The following CHRM2 variants were observed in gnomAD, a reference collection of about 807,000 sequenced individuals.
CHRM2 encodes cholinergic receptor muscarinic 2.
CHRM2 carries 8 observed loss-of-function variants against 25.0 expected under a neutral mutation model. The ratio of observed to expected loss-of-function variants is 0.32; its 90% confidence interval spans 0.19 to 0.58. CHRM2 has a LOEUF of 0.58. Among genes scored for constraint, CHRM2 ranks in the 20% least tolerant of loss-of-function variants. CHRM2 has a pLI of 0.88. For synonymous variants in CHRM2, 202 were observed against 205.7 expected (o/e 0.98, Z 0.15); for missense variants, 440 against 567.1 (o/e 0.78, Z 2.28).
At chr7:136,914,039 T>C (rs1797978996) in intron 2 of CHRM2, 1 of 152,002 alleles carries the variant, frequency 6.6e-6, no homozygotes, top group Non-Finnish European at 1.5e-5. Context: ...AAACACTACC[T>C]TGAAACCCAA....
At chr7:137,001,355 C>G (rs1335751064) in intron 3 of CHRM2, among the ~76,000 whole-genome samples, 3 of 152,118 alleles carry the variant, frequency 2.0e-5, no homozygotes, top group African/African-American at 7.2e-5. Flanking sequence ...CAAGCTGTCA[C>G]CTTTGAGCTT....
At chr7:136,926,733 A>G (rs891799814) in intron 2 of CHRM2, among the ~76,000 whole-genome samples, 1 of 151,874 alleles carries the variant, frequency 6.6e-6, no homozygotes, top group Non-Finnish European at 1.5e-5. Flanking sequence ...ATCTGTCTCA[A>G]CTCCTCTGCG....
At chr7:136,909,019 G>A (rs2130671643) in intron 2 of CHRM2, among the ~76,000 whole-genome samples, 1 of 151,958 alleles carries the variant, frequency 6.6e-6, no homozygotes, top group Non-Finnish European at 1.5e-5. Context: ...TTCTCAATGA[G>A]TTGACGAGTC....
At chr7:136,880,040 T>C (rs1261806813) in intron 2 of CHRM2, among the ~76,000 whole-genome samples, 1 of 138,324 alleles carries the variant, frequency 7.2e-6, no homozygotes, top group African/African-American at 2.8e-5. Context: ...TCCATTCCTC[T>C]TGGATCTTTT....
intron 2 of CHRM2, among the ~76,000 whole-genome samples, chr7:136,895,209 G>A (rs1796845546): frequency 6.6e-6 from 1 of 152,116 alleles, no homozygotes; most frequent in South Asian, 2.1e-4. Context: ...ACAAAACTGT[G>A]TGCTTCAGAT....
chr7:136,981,207 T>C (rs1478852859), intron 2 of CHRM2, among the ~76,000 whole-genome samples: 1 of 152,210 alleles, frequency 6.6e-6, no homozygotes, highest in African/African-American at 2.4e-5. Flanking sequence ...CCATTTCTTC[T>C]AGATTTTTTA....
chr7:136,959,154 C>A (rs966746136), intron 2 of CHRM2, among the ~76,000 whole-genome samples: 1 of 152,190 alleles, frequency 6.6e-6, no homozygotes, highest in Non-Finnish European at 1.5e-5. Context: ...TAGCTTCTAT[C>A]CTCTAATAGT....
At chr7:136,937,943 T>C (rs1409958159) in intron 2 of CHRM2, among the ~76,000 whole-genome samples, 9 of 152,064 alleles carry the variant, frequency 5.9e-5, no homozygotes, top group Non-Finnish European at 8.8e-5. Context: ...TAATTGAGGG[T>C]TTGTATCAGA....
chr7:137,015,090 C>T lies in CHRM2; in HGVS notation c.225C>T (p.Phe75=). The T allele has an allele frequency of 3.1e-6, 5 of 1,613,474 alleles. No homozygotes were observed. The highest frequency in any genetic ancestry group is 2.5e-6 in the Non-Finnish European group (3 of 1,179,642). The change falls in exon 4 of 4, where the codon TTC becomes TTT. Residue 75 remains phenylalanine (F), a synonymous_variant. Transcript: ENST00000680005. The surrounding 1 kb of genome is among the most constrained non-coding windows in gnomAD (Gnocchi z 5.1). ...GTGCTGACCTTATCATAGGTGTTTT[C>T]TCCATGAACTTGTACACCCTCTACA... is the stretch of plus-strand genomic sequence containing the variant. ...LACADLIIGV[F]SMNLYTLYTV... is the part of the protein sequence containing the mutation.
chr7:136,997,424 C>G (rs1046214579), intron 3 of CHRM2, among the ~76,000 whole-genome samples: 1 of 152,064 alleles, frequency 6.6e-6, no homozygotes, highest in Admixed American at 6.6e-5. Flanking sequence ...TATAAATGAT[C>G]GAGAATATTT....
intron 3 of CHRM2, among the ~76,000 whole-genome samples, chr7:136,999,708 T>C (rs1803857218): frequency 6.6e-6 from 1 of 152,208 alleles, no homozygotes; most frequent in Admixed American, 6.5e-5. Flanking sequence ...CAAAATCTGC[T>C]GCTGTTTGTT....
At chr7:136,982,053 C>A (rs1802524155) in intron 2 of CHRM2, among the ~76,000 whole-genome samples, 1 of 152,152 alleles carries the variant, frequency 6.6e-6, no homozygotes, top group African/African-American at 2.4e-5. Flanking sequence ...GTGTTAAAGT[C>A]TCCCACTACT....
intron 3 of CHRM2, among the ~76,000 whole-genome samples, chr7:137,007,962 C>T (rs959693530): frequency 5.7e-4 from 87 of 152,074 alleles, no homozygotes; most frequent in African/African-American, 2.0e-3. Context: ...ATCTCAAAGC[C>T]TATTTAACAC....
At chr7:136,967,365 G>A (rs911934714) in intron 2 of CHRM2, among the ~76,000 whole-genome samples, 2 of 151,986 alleles carry the variant, frequency 1.3e-5, no homozygotes, top group African/African-American at 4.8e-5. Context: ...ATTTTCAAAT[G>A]TGTGAATAAT....
chr7:136,914,614 TATATC>T (rs1229271754), intron 2 of CHRM2, among the ~76,000 whole-genome samples: 1 of 151,946 alleles, frequency 6.6e-6, no homozygotes, highest in Non-Finnish European at 1.5e-5. Flanking sequence ...AAGGCAGTAT[TATATC>T]AGAGAAAAAA....
chr7:137,005,750 T>C (rs1804381558), intron 3 of CHRM2, among the ~76,000 whole-genome samples: 1 of 152,106 alleles, frequency 6.6e-6, no homozygotes, highest in South Asian at 2.1e-4. Flanking sequence ...GAATTTTCTA[T>C]CATAGTCCTA....
intron 2 of CHRM2, among the ~76,000 whole-genome samples, chr7:136,897,735 T>C (rs527318489): frequency 6.6e-6 from 1 of 152,156 alleles, no homozygotes; most frequent in East Asian, 1.9e-4. Context: ...TGGTATTTCA[T>C]AGGGAGAGCT....
rs1382827370 is a variant in CHRM2 at position 136,869,106 on chromosome 7, G to C, written c.-283+114G>C. On this transcript the variant is annotated intron_variant, in intron 1 of 3. Coordinates refer to ENST00000680005, the MANE Select transcript of CHRM2 (RefSeq NM_001006630.2). The surrounding 1 kb of genome is among the most constrained non-coding windows in gnomAD (Gnocchi z 4.9). ...GGTCACAGACTAGCCAAGTGGCTGA[G>C]ACGAGTGTGGGGTGCGTGACTCTGC... is the stretch of plus-strand genomic sequence containing the variant. 2 of 152,208 alleles carry C rather than the reference G, an allele frequency of 1.3e-5. No homozygotes were observed. The highest frequency in any genetic ancestry group is 4.8e-5 in the African/African-American group (2 of 41,424). The allele number at this position is 152,208 out of a possible 1,614,324, so 9.4% of individuals were successfully genotyped here.
intron 2 of CHRM2, among the ~76,000 whole-genome samples, chr7:136,886,404 T>A (rs7782904): frequency 0.29 from 43,820 of 152,098 alleles, 6,548 homozygotes; most frequent in East Asian, 0.46. Context: ...AGCCAAAAAT[T>A]TACACCATTG....
Sources: allele counts gnomAD v4.1 joint callset (sites outside exome capture counted in the v4.1 genomes callset), GRCh38; gene constraint gnomAD v4.1.1; non-coding constraint Gnocchi (gnomAD v3.1); transcripts MANE v1.5; gene names NCBI Gene and HGNC (gene_info 2026-07-23, HGNC 2026-07-21).